WDR45B: variants seen among roughly 807,000 people sequenced by gnomAD.
WDR45B encodes WD repeat domain phosphoinositide-interacting protein 3.
Under a neutral mutation model 44.6 loss-of-function variants are expected in WDR45B, and 20 were observed. That is an observed-to-expected ratio of 0.45 (90% CI 0.32 to 0.65). The LOEUF is 0.65. Ranked by LOEUF, WDR45B falls within the 30% of genes least tolerant of loss-of-function variation. The pLI, the probability that WDR45B is intolerant of heterozygous loss-of-function variation, is 0.05. For synonymous variants in WDR45B, 169 were observed against 164.9 expected (o/e 1.02, Z -0.19); for missense variants, 323 against 430.2 (o/e 0.75, Z 2.20).
intron 3 of WDR45B, chr17:82,629,837 A>T: frequency 2.0e-6 from 2 of 984,954 alleles, no homozygotes; most frequent in Non-Finnish European, 2.4e-6. Flanking sequence ...TTCTATTCCT[A>T]AGTACGTGAT....
At chr17:82,646,242 G>A (rs2045973507) in intron 1 of WDR45B, among the ~76,000 whole-genome samples, 1 of 151,760 alleles carries the variant, frequency 6.6e-6, no homozygotes, top group African/African-American at 2.4e-5. Flanking sequence ...TGTAACCCCA[G>A]CACTTTGAGA....
At chr17:82,617,171 G>T (rs183281066) in intron 8 of WDR45B, 125 bp downstream of exon 8, 1 of 828,718 alleles carries the variant, frequency 1.2e-6, no homozygotes. Context: ...AGATTTCAGC[G>T]CTGATAGCAT....
Position 82,625,419 on chromosome 17 carries a change from G to C in WDR45B, c.397C>G (p.His133Asp). 1.2e-6 allele frequency: 2 copies of C among 1,614,186 alleles called. No individual in the cohort carries two copies. The highest frequency in any genetic ancestry group is 8.5e-7 in the Non-Finnish European group (1 of 1,180,042). ...FTFTHNPHQLHVFETCYNPKG... is the reference protein window; with the variant it reads ...FTFTHNPHQLDVFETCYNPKG... ...GGGTTATAGCAGGTTTCGAAGACGTGCAACTGATGGGGATTGTGTGTGAAT... is the reference window on the plus strand; with the variant it reads ...GGGTTATAGCAGGTTTCGAAGACGTCCAACTGATGGGGATTGTGTGTGAAT... Residue 133 changes from histidine (H) to aspartate (D), a missense_variant, in exon 5 of 10, where the codon CAC (histidine) becomes GAC (aspartate). By Grantham distance (81) the His-to-Asp change is moderately conservative (BLOSUM62 -1). Coordinates refer to ENST00000392325, the MANE Select transcript of WDR45B (RefSeq NM_019613.4).
At chr17:82,646,519 A>G (rs951308065) in intron 1 of WDR45B, among the ~76,000 whole-genome samples, 4 of 148,536 alleles carry the variant, frequency 2.7e-5, no homozygotes, top group Non-Finnish European at 4.5e-5. Flanking sequence ...AAAACCCAAA[A>G]CAAAAAAACA....
chr17:82,615,050 G>A lies in WDR45B; in HGVS notation c.*869C>T, dbSNP rs1350771831. The A allele has an allele frequency of 2.0e-5, 3 of 152,206 alleles. No individual in the cohort carries two copies. The highest frequency in any genetic ancestry group is 4.4e-5 in the Non-Finnish European group (3 of 68,068). The allele number at this position is 152,206 out of a possible 1,614,324, so 9.4% of individuals were successfully genotyped here. On this transcript the variant is annotated 3_prime_UTR_variant, in exon 10 of 10. Transcript: ENST00000392325. The stretch of plus-strand genomic sequence containing the variant: ...CATGGACCCTCCCAGACCCTGCTCT[G>A]GCAGACGACCCCGAAGTTAAAGGAT...
intron 7 of WDR45B, 141 bp downstream of exon 7, chr17:82,618,902 C>G: frequency 2.7e-6 from 2 of 746,404 alleles, no homozygotes; most frequent in Non-Finnish European, 2.4e-6. Context: ...AAACCCAACC[C>G]CCTAGCAGCC....
At chr17:82,641,956 G>GA (rs35183254) in intron 2 of WDR45B, among the ~76,000 whole-genome samples, 1,873 of 147,570 alleles carry the variant, frequency 0.013, 25 homozygotes, top group African/African-American at 0.044. Context: ...GGAAAAAAGA[G>GA]AAAAAAAAAA....
intron 1 of WDR45B, among the ~76,000 whole-genome samples, chr17:82,645,512 G>C (rs1210165089): frequency 1.3e-5 from 2 of 151,972 alleles, no homozygotes; most frequent in Non-Finnish European, 2.9e-5. Context: ...AAAAATAAGA[G>C]AAAACATCAA....
In WDR45B at chr17:82,615,207, A is replaced by G. The variant is rs2045515090; in HGVS notation, c.*712T>C. ...CCGCCCCGCACACGCCTGAGGTGTG[A>G]CGGCTCGGCTTCTAGAGTGGCCTGG... On this transcript the variant is annotated 3_prime_UTR_variant, in exon 10 of 10. Coordinates refer to ENST00000392325, the MANE Select transcript of WDR45B (RefSeq NM_019613.4). 6.5e-6 allele frequency: 1 copy of G among 153,880 alleles called. No individual in the cohort carries two copies. Among genetic ancestry groups the G allele is most frequent in the Non-Finnish European group, 1.4e-5 (1 of 69,210 alleles). The allele number at this position is 153,880 out of a possible 1,614,324, so 9.5% of individuals were successfully genotyped here.
intron 2 of WDR45B, 146 bp downstream of exon 2, chr17:82,643,803 C>T (rs913649650): frequency 1.5e-5 from 12 of 793,036 alleles, no homozygotes; most frequent in Admixed American, 2.0e-5. Flanking sequence ...AGAAAGAGGA[C>T]AGCTCCCTCC....
intron 5 of WDR45B, 74 bp downstream of exon 5, chr17:82,625,315 A>G: frequency 7.0e-7 from 1 of 1,438,522 alleles, no homozygotes. Context: ...ACCTGCTTGG[A>G]GAAGGGAGTG....
chr17:82,631,000 GC>G lies in WDR45B; in HGVS notation c.164del (p.Gly55AlafsTer12). 6.2e-7 allele frequency: 1 copy of G among 1,613,794 alleles called. No individual in the cohort carries two copies. Among genetic ancestry groups the G allele is most frequent in the Non-Finnish European group, 8.5e-7 (1 of 1,179,948 alleles). ...EKQEFLEGGV[G>X]HVEMLFRCNY... The stretch of plus-strand genomic sequence containing the variant: ...TGCAGCGAAATAACATTTCAACATG[GC>G]CAACTCCTCCTTCTAGAAATTCTGA... On this transcript the variant is annotated frameshift_variant, in exon 3 of 10. Transcript: ENST00000392325. LOFTEE classifies it high-confidence loss of function.
intron 4 of WDR45B, chr17:82,626,822 AC>A: frequency 3.6e-6 from 1 of 275,824 alleles, no homozygotes; most frequent in Non-Finnish European, 7.0e-6. Context: ...CAAACCGAAA[AC>A]CTTTATTGAG....
At chr17:82,618,594 G>T (rs1002599040) in intron 7 of WDR45B, among the ~76,000 whole-genome samples, 1 of 152,178 alleles carries the variant, frequency 6.6e-6, no homozygotes, top group African/African-American at 2.4e-5. Flanking sequence ...ACAATTAGCC[G>T]GGCGTGGTGG....
At chr17:82,639,278 G>C (rs900657225) in intron 2 of WDR45B, among the ~76,000 whole-genome samples, 1 of 151,932 alleles carries the variant, frequency 6.6e-6, no homozygotes, top group Non-Finnish European at 1.5e-5. Flanking sequence ...CCATTTTGAG[G>C]ATGTGCCACA....
intron 2 of WDR45B, among the ~76,000 whole-genome samples, chr17:82,641,615 G>A (rs1291247240): frequency 6.6e-6 from 1 of 152,130 alleles, no homozygotes; most frequent in Non-Finnish European, 1.5e-5. Flanking sequence ...CCAAGAGGTG[G>A]CCGGGGTGCG....
chr17:82,617,159 A>C (rs959591959), intron 8 of WDR45B, 137 bp downstream of exon 8: 35 of 798,964 alleles, frequency 4.4e-5, no homozygotes, highest in Middle Eastern at 7.0e-4. Context: ...ATTAAATGAA[A>C]AAGATTTCAG....
chr17:82,623,407 AC>A, intron 5 of WDR45B, among the ~76,000 whole-genome samples: 1 of 147,094 alleles, frequency 6.8e-6, no homozygotes, highest in Non-Finnish European at 1.5e-5. Context: ...AAAAAAACAA[AC>A]AAAAAAAATG....
chr17:82,634,274 G>A (rs1412901527), intron 2 of WDR45B, among the ~76,000 whole-genome samples: 2 of 151,446 alleles, frequency 1.3e-5, no homozygotes, highest in Non-Finnish European at 2.9e-5. Flanking sequence ...CGAATCATGA[G>A]GTCGGGCGAT....
Sources: gnomAD v4.1 joint callset for allele counts (sites outside exome capture counted in the v4.1 genomes callset) on GRCh38, gnomAD v4.1.1 for gene constraint, MANE v1.5 for transcripts, NCBI Gene and HGNC (gene_info 2026-07-23, HGNC 2026-07-21) for gene names.